Variants in GRIP1 observed in about 807,000 individuals in gnomAD.
The protein encoded by GRIP1 is glutamate receptor interacting protein 1.
In GRIP1, 45 loss-of-function variants were observed where a neutral mutation model predicts 129.9. That is an observed-to-expected ratio of 0.35 (90% CI 0.27 to 0.44). GRIP1 has a LOEUF of 0.44. GRIP1 is among the 20% of genes least tolerant of loss of function. GRIP1 has a pLI of 1.00. For synonymous variants in GRIP1, 530 were observed against 520.8 expected, an observed-to-expected ratio of 1.02 and a Z score of -0.24; for missense variants, 1,196 against 1,396.8, an observed-to-expected ratio of 0.86 and a Z score of 2.29.
chr12:67,045,862 C>CATGG (rs2043245588), intron 1 of GRIP1, among the ~76,000 whole-genome samples: 1 of 152,110 alleles, frequency 6.6e-6, no homozygotes, highest in Admixed American at 6.6e-5. Context: ...CAACCACATG[C>CATGG]CATGAGAGTG....
At chr12:66,389,638 G>A (rs935746921) in intron 19 of GRIP1, among the ~76,000 whole-genome samples, 1 of 152,074 alleles carries the variant, frequency 6.6e-6, no homozygotes, top group African/African-American at 2.4e-5. Context: ...TTGAGATCTC[G>A]GTAAACTGTA....
intron 1 of GRIP1, among the ~76,000 whole-genome samples, chr12:67,056,515 A>AG (rs34645069): frequency 0.31 from 46,489 of 151,968 alleles, 8,512 homozygotes; most frequent in Non-Finnish European, 0.41. Context: ...CCAGCTAGCA[A>AG]GGGGGAAGCT....
intron 15 of GRIP1, among the ~76,000 whole-genome samples, chr12:66,419,973 T>A (rs1434864946): frequency 6.6e-6 from 1 of 152,152 alleles, no homozygotes; most frequent in African/African-American, 2.4e-5. Flanking sequence ...GGTGTGCACC[T>A]GTAATCCCAG....
chr12:67,046,884 T>C (rs2043262104), intron 1 of GRIP1, among the ~76,000 whole-genome samples: 1 of 152,210 alleles, frequency 6.6e-6, no homozygotes, highest in Non-Finnish European at 1.5e-5. Context: ...AGCACTATTA[T>C]CCTACGTAGC....
chr12:66,363,822 A>G (rs1226539883), intron 23 of GRIP1, among the ~76,000 whole-genome samples: 3 of 152,202 alleles, frequency 2.0e-5, no homozygotes, highest in African/African-American at 7.2e-5. Flanking sequence ...GGTGGTTACT[A>G]GAGGCTGGGG....
At chr12:66,578,327 G>A (rs888947025) in intron 2 of GRIP1, among the ~76,000 whole-genome samples, 4 of 148,518 alleles carry the variant, frequency 2.7e-5, no homozygotes, top group East Asian at 2.0e-4. Context: ...CAGTGTGAGC[G>A]ACGCAGAAGA....
intron 1 of GRIP1, among the ~76,000 whole-genome samples, chr12:66,667,643 G>T (rs1302560949): frequency 6.6e-6 from 1 of 152,162 alleles, no homozygotes; most frequent in Non-Finnish European, 1.5e-5. Flanking sequence ...ACAGGCAGCA[G>T]GGTGAGCAGG....
At chr12:66,394,007 C>G (rs1402939730) in intron 17 of GRIP1, among the ~76,000 whole-genome samples, 3 of 152,180 alleles carry the variant, frequency 2.0e-5, no homozygotes, top group Non-Finnish European at 4.4e-5. Flanking sequence ...AAGCCCAAGA[C>G]GTCTTTTACT....
intron 1 of GRIP1, among the ~76,000 whole-genome samples, chr12:67,033,087 T>C (rs1463960140): frequency 6.6e-6 from 1 of 152,024 alleles, no homozygotes. Context: ...GTTGGACAGC[T>C]CAGATCCAGA....
chr12:66,766,370 A>G (rs996744363), intron 1 of GRIP1, among the ~76,000 whole-genome samples: 1 of 152,154 alleles, frequency 6.6e-6, no homozygotes, highest in Non-Finnish European at 1.5e-5. Context: ...ACTCTTCTAG[A>G]AGGTGGCTGG....
At chr12:66,740,705 T>G (rs2036761621) in intron 1 of GRIP1, among the ~76,000 whole-genome samples, 1 of 152,198 alleles carries the variant, frequency 6.6e-6, no homozygotes, top group Non-Finnish European at 1.5e-5. Flanking sequence ...CCAGACACTG[T>G]GCTAGATGCC....
At chr12:66,921,609 C>A (rs1220348990) in intron 1 of GRIP1, among the ~76,000 whole-genome samples, 11 of 152,162 alleles carry the variant, frequency 7.2e-5, no homozygotes, top group Non-Finnish European at 1.3e-4. Context: ...CTGACTGCAC[C>A]CACTCACTCA....
At chr12:66,741,869 TC>T (rs2036798669) in intron 1 of GRIP1, among the ~76,000 whole-genome samples, 1 of 152,174 alleles carries the variant, frequency 6.6e-6, no homozygotes, top group African/African-American at 2.4e-5. Context: ...CATAATGGCT[TC>T]CCATCTTTAG....
rs2055513871 is a variant in GRIP1, at chr12:66,371,738, C to T, written c.2968G>A (p.Glu990Lys). The part of the protein sequence containing the change: ...KSVTLRKMKQ[E>K]IKEIMSPTPV... ...GTTGGAGACATGATCTCCTTTATTTCTTGTTTCATTTTTCTCAGGGTTACT... is the reference window on the plus strand; with the variant it reads ...GTTGGAGACATGATCTCCTTTATTTTTTGTTTCATTTTTCTCAGGGTTACT... Residue 990 changes from glutamate (E) to lysine (K), a missense_variant, in exon 23 of 25, where the codon GAA becomes AAA. By Grantham distance (56) the Glu-to-Lys change is moderately conservative (BLOSUM62 1). Around this residue, in one of 5 missense-constraint regions of GRIP1, gnomAD observed 427 missense variants for 463.3 expected, o/e 0.92. Transcript: ENST00000359742. 6.2e-7 allele frequency: 1 copy of T among 1,613,920 alleles called. No homozygotes were observed. Among genetic ancestry groups the T allele is most frequent in the East Asian group, 2.2e-5 (1 of 44,882 alleles).
At chr12:66,482,346 T>C (rs1167751217) in intron 7 of GRIP1, among the ~76,000 whole-genome samples, 1 of 152,178 alleles carries the variant, frequency 6.6e-6, no homozygotes, top group African/African-American at 2.4e-5. Flanking sequence ...GCTTATTAGA[T>C]GAGATAGAAT....
At chr12:66,530,326 C>T (rs1451670190) in intron 4 of GRIP1, among the ~76,000 whole-genome samples, 2 of 152,082 alleles carry the variant, frequency 1.3e-5, no homozygotes, top group Non-Finnish European at 2.9e-5. Context: ...TTTTATTTTG[C>T]AGCTGGCACA....
intron 1 of GRIP1, among the ~76,000 whole-genome samples, chr12:66,960,014 A>G (rs2041900540): frequency 6.6e-6 from 1 of 152,184 alleles, no homozygotes; most frequent in South Asian, 2.1e-4. Context: ...TATTCTAGTC[A>G]TGTGCAGAGA....
intron 1 of GRIP1, among the ~76,000 whole-genome samples, chr12:66,897,727 G>A (rs2040774683): frequency 6.6e-6 from 1 of 152,168 alleles, no homozygotes; most frequent in African/African-American, 2.4e-5. Context: ...GGCATACCGT[G>A]TTTAGACCAG....
intron 1 of GRIP1, among the ~76,000 whole-genome samples, chr12:66,819,007 T>C (rs10784591): frequency 0.53 from 80,417 of 152,112 alleles, 21,376 homozygotes; most frequent in Middle Eastern, 0.66. Flanking sequence ...ATACTAACAA[T>C]GTACTTAAAT....
Sources: gnomAD v4.1 joint callset for allele counts (sites outside exome capture counted in the v4.1 genomes callset) on GRCh38, gnomAD v4.1.1 for gene constraint, gnomAD v4.1.1 regional missense constraint, MANE v1.5 for transcripts, NCBI Gene and HGNC (gene_info 2026-07-23, HGNC 2026-07-21) for gene names.